IQGAP1: variants seen among roughly 807,000 people sequenced by gnomAD.
The protein encoded by IQGAP1 is ras GTPase-activating-like protein IQGAP1.
A neutral mutation model predicts 215.6 loss-of-function variants in IQGAP1; 66 were observed. The observed-to-expected ratio is 0.31, with a 90% CI of 0.25 to 0.38. The LOEUF (loss-of-function observed/expected upper bound fraction) is 0.38, where lower values mean the gene tolerates loss of function less well. Ranked by LOEUF, IQGAP1 falls within the 10% of genes least tolerant of loss-of-function variation. The probability of loss-of-function intolerance (pLI) is 1.00; values close to 1 mark genes in which losing one functional copy is unlikely to be tolerated. For synonymous variants in IQGAP1, 772 were observed against 728.7 expected (o/e 1.06, Z -0.96); for missense variants, 1,712 against 1,997.1 (o/e 0.86, Z 2.72).
At chr15:90,462,519 A>G (rs575801798) in intron 15 of IQGAP1, among the ~76,000 whole-genome samples, 1 of 152,328 alleles carries the variant, frequency 6.6e-6, no homozygotes, top group African/African-American at 2.4e-5. Flanking sequence ...TATGTGGTAT[A>G]TATGTGGTTA....
At chr15:90,482,946 ATGTT>A (rs1966079892) in intron 28 of IQGAP1, among the ~76,000 whole-genome samples, 1 of 152,158 alleles carries the variant, frequency 6.6e-6, no homozygotes, top group South Asian at 2.1e-4. Context: ...GAATTTAGCT[ATGTT>A]TGTTAGCTTT....
intron 8 of IQGAP1, 102 bp from the exon 9 acceptor site, chr15:90,443,292 A>T (rs1182373237): frequency 1.0e-5 from 7 of 698,496 alleles, no homozygotes; most frequent in Non-Finnish European, 1.8e-5. Flanking sequence ...AGCTACACCC[A>T]TATTCTTGGT....
At chr15:90,484,154 A>C (rs906910938) in intron 29 of IQGAP1, 66 bp from the exon 30 acceptor site, 1 of 1,472,908 alleles carries the variant, frequency 6.8e-7, no homozygotes, top group African/African-American at 1.4e-5. Flanking sequence ...AGGTTTGTGA[A>C]ATGTCCTCTT....
At chr15:90,462,543 G>A (rs1255421366) in intron 15 of IQGAP1, among the ~76,000 whole-genome samples, 1 of 152,208 alleles carries the variant, frequency 6.6e-6, no homozygotes, top group Non-Finnish European at 1.5e-5. Flanking sequence ...ATTTATATAT[G>A]TAATATTGGG....
chr15:90,434,531 A>G (rs916850739), intron 5 of IQGAP1, among the ~76,000 whole-genome samples: 4 of 152,066 alleles, frequency 2.6e-5, no homozygotes, highest in African/African-American at 9.7e-5. Context: ...TTTTTTTCCC[A>G]TAATGTCATG....
intron 2 of IQGAP1, among the ~76,000 whole-genome samples, chr15:90,401,279 G>A (rs1964800863): frequency 6.6e-6 from 1 of 152,016 alleles, no homozygotes; most frequent in South Asian, 2.1e-4. Flanking sequence ...TCTGGTTAAT[G>A]GTTTATTTTG....
At chr15:90,441,772 A>G (rs1406213294) in intron 8 of IQGAP1, 88 bp downstream of exon 8, 2 of 942,472 alleles carry the variant, frequency 2.1e-6, no homozygotes, top group African/African-American at 1.7e-5. Context: ...TTTTATTGAG[A>G]TGCAGTTTAC....
At chr15:90,475,531 A>G (rs1965967268) in intron 23 of IQGAP1, among the ~76,000 whole-genome samples, 1 of 151,788 alleles carries the variant, frequency 6.6e-6, no homozygotes, top group South Asian at 2.1e-4. Context: ...AGGGCGGATC[A>G]CTTGAAGCCA....
intron 25 of IQGAP1, 86 bp from the exon 26 acceptor site, chr15:90,477,579 C>T: frequency 1.0e-6 from 1 of 967,730 alleles, no homozygotes; most frequent in Non-Finnish European, 1.6e-6. Context: ...GAAACTGTTT[C>T]AGGGAGATAG....
Position 90,491,496 on chromosome 15 carries a change from C to T in IQGAP1, c.4412C>T (p.Thr1471Ile), listed in dbSNP as rs1291520517. 6.2e-7 allele frequency: 1 copy of T among 1,614,162 alleles called. No homozygotes were observed. Among genetic ancestry groups the T allele is most frequent in the East Asian group, 2.2e-5 (1 of 44,888 alleles). Reference sequence around the variant, plus strand: ...TTAAAGAAGCTAACAGAGCTTGGAACCGTGGACCCAAAGAACAAATACCAG... The same window carrying T: ...TTAAAGAAGCTAACAGAGCTTGGAATCGTGGACCCAAAGAACAAATACCAG... ...TGLKKLTELGTVDPKNKYQEL... is the reference protein window; with the variant it reads ...TGLKKLTELGIVDPKNKYQEL... Residue 1471 changes from threonine to isoleucine, a missense_variant, in exon 34 of 38, where the codon ACC becomes ATC. By Grantham distance (89) the Thr-to-Ile change is moderately conservative. Around this residue, in one of 2 missense-constraint regions of IQGAP1, gnomAD observed 691 missense variants for 923.0 expected, o/e 0.75. Coordinates refer to ENST00000268182, the MANE Select transcript of IQGAP1 (RefSeq NM_003870.4).
At chr15:90,419,196 A>C (rs1181462352) in intron 2 of IQGAP1, among the ~76,000 whole-genome samples, 1 of 152,128 alleles carries the variant, frequency 6.6e-6, no homozygotes, top group Non-Finnish European at 1.5e-5. Context: ...ACTTGGGTTC[A>C]AGTGAGAGTT....
chr15:90,449,337 A>G (rs1480801087), intron 10 of IQGAP1, among the ~76,000 whole-genome samples: 1 of 152,172 alleles, frequency 6.6e-6, no homozygotes, highest in South Asian at 2.1e-4. Context: ...TTCATGTAAT[A>G]TGTTTAAGAA....
chr15:90,486,032 C>G lies in IQGAP1; in HGVS notation c.3924C>G (p.Leu1308=), dbSNP rs377540647. Residue 1308 remains leucine, a splice_region_variant and synonymous_variant, in exon 31 of 38, where the codon CTC becomes CTG. Coordinates refer to ENST00000268182, the MANE Select transcript of IQGAP1 (RefSeq NM_003870.4). ...GAGTTGATCATTGGTGTTTGCAGCT[C>G]CTGTTGGATCACCAGGATGCCATTG... The part of the protein sequence containing the change: ...SIGEIINTHT[L]LLDHQDAIAP... 11 of 1,612,728 alleles carry G rather than the reference C, an allele frequency of 6.8e-6. No homozygotes were observed. The African/African-American group carries it at 1.5e-4, about 22-fold the overall frequency.
intron 1 of IQGAP1, 26 bp downstream of exon 1, chr15:90,388,422 G>A: frequency 6.4e-7 from 1 of 1,559,972 alleles, no homozygotes; most frequent in African/African-American, 1.4e-5. Context: ...CGCGGCGCGG[G>A]GGCTTCGGGC....
intron 2 of IQGAP1, among the ~76,000 whole-genome samples, chr15:90,413,898 T>A (rs1165944989): frequency 6.6e-6 from 1 of 152,184 alleles, no homozygotes; most frequent in Admixed American, 6.5e-5. Context: ...TGTCCTTCCC[T>A]CTTATCTCAG....
rs562105962 is a variant in IQGAP1 at position 90,499,837 on chromosome 15, T to C, written c.4861-158T>C. 2.0e-4 allele frequency among the ~76,000 whole-genome samples: 31 copies of C among 152,338 alleles called. 1 individual carries two copies. In the East Asian group the frequency reaches 4.6e-3, roughly 23 times the overall value. On this transcript the variant is annotated intron_variant, in intron 37 of 37. Transcript: ENST00000268182. ...GCTGGTTGTGCAGTGGGTAGTTGCCTAGCGTGGAACTTTTCTTTCGCCCCA... is the reference window on the plus strand; with the variant it reads ...GCTGGTTGTGCAGTGGGTAGTTGCCCAGCGTGGAACTTTTCTTTCGCCCCA...
rs1345607701 is a variant in IQGAP1, at chr15:90,491,488, G to A, written c.4404G>A (p.Glu1468=). The change falls in exon 34 of 38, where the codon GAG becomes GAA. Residue 1468 remains glutamate (E), a synonymous_variant. Coordinates refer to ENST00000268182, the MANE Select transcript of IQGAP1 (RefSeq NM_003870.4). The part of the protein sequence containing the change: ...KIQTGLKKLT[E]LGTVDPKNKY... Reference sequence around the variant, plus strand: ...AGACAGGTTTAAAGAAGCTAACAGAGCTTGGAACCGTGGACCCAAAGAACA... The same window carrying A: ...AGACAGGTTTAAAGAAGCTAACAGAACTTGGAACCGTGGACCCAAAGAACA... 1 of 1,614,182 alleles carries A rather than the reference G, an allele frequency of 6.2e-7. No individual in the cohort carries two copies. Among genetic ancestry groups the A allele is most frequent in the Non-Finnish European group, 8.5e-7 (1 of 1,180,026 alleles).
chr15:90,498,850 C>A (rs2047210975), intron 37 of IQGAP1, among the ~76,000 whole-genome samples: 1 of 143,492 alleles, frequency 7.0e-6, no homozygotes. Flanking sequence ...GCTCTTATTG[C>A]CCAAGCTGCA....
chr15:90,403,820 A>G (rs958202605), intron 2 of IQGAP1, among the ~76,000 whole-genome samples: 1 of 152,106 alleles, frequency 6.6e-6, no homozygotes, highest in Non-Finnish European at 1.5e-5. Flanking sequence ...ACTACAGGCA[A>G]TCCGCCATCA....
Sources: allele counts gnomAD v4.1 joint callset (sites outside exome capture counted in the v4.1 genomes callset), GRCh38; gene constraint gnomAD v4.1.1; regional missense constraint gnomAD v4.1.1; transcripts MANE v1.5; gene names NCBI Gene and HGNC (gene_info 2026-07-23, HGNC 2026-07-21).